Variants in UNC5C observed in about 807,000 individuals in gnomAD.
The protein encoded by UNC5C is netrin receptor UNC5C.
A neutral mutation model predicts 99.8 loss-of-function variants in UNC5C; 47 were observed. That is an observed-to-expected ratio of 0.47 (90% CI 0.37 to 0.60). UNC5C has a LOEUF of 0.60. UNC5C is among the 20% of genes least tolerant of loss of function. The probability of loss-of-function intolerance (pLI) is 0.00; values close to 1 mark genes in which losing one functional copy is unlikely to be tolerated. For synonymous variants in UNC5C, 487 were observed against 452.2 expected (o/e 1.08, Z -0.98); for missense variants, 1,062 against 1,165.9 (o/e 0.91, Z 1.30).
intron 1 of UNC5C, among the ~76,000 whole-genome samples, chr4:95,355,486 G>A (rs965344790): frequency 6.6e-6 from 1 of 152,040 alleles, no homozygotes; most frequent in Admixed American, 6.6e-5. Flanking sequence ...CCTCCAGCAA[G>A]TCATTCTGGG....
intron 1 of UNC5C, among the ~76,000 whole-genome samples, chr4:95,501,306 A>G (rs1721770404): frequency 6.6e-6 from 1 of 152,106 alleles, no homozygotes; most frequent in African/African-American, 2.4e-5. Flanking sequence ...GAATTCTGAA[A>G]ACTAGACTAT....
chr4:95,191,190 T>A (rs1449105198), intron 12 of UNC5C, among the ~76,000 whole-genome samples: 1 of 152,040 alleles, frequency 6.6e-6, no homozygotes, highest in Non-Finnish European at 1.5e-5. Flanking sequence ...AGCCCCCGAG[T>A]TTCCCACTCT....
intron 3 of UNC5C, 43 bp from the exon 4 acceptor site, chr4:95,278,405 C>A (rs752807166): frequency 2.0e-6 from 3 of 1,515,212 alleles, no homozygotes; most frequent in Non-Finnish European, 2.7e-6. Flanking sequence ...AATTAAACAA[C>A]ATTTTCTCAT....
At chr4:95,528,310 C>A (rs563535708) in intron 1 of UNC5C, among the ~76,000 whole-genome samples, 19 of 152,104 alleles carry the variant, frequency 1.2e-4, no homozygotes, top group Non-Finnish European at 2.5e-4. Context: ...GTTCTACAGG[C>A]TGCTTGTGCT....
At position 95,337,095 on chromosome 4, in the gene UNC5C, A is replaced by G. The variant is rs966683687; in HGVS notation, c.125-1464T>C. The stretch of plus-strand genomic sequence containing the variant: ...GGTCTTAACCAATTTTTTTTCTTCT[A>G]AAGCACTTACTGTTATATGTGATGA... On this transcript the variant is annotated intron_variant, in intron 1 of 15. Coordinates refer to ENST00000453304, the MANE Select transcript of UNC5C (RefSeq NM_003728.4). Among the ~76,000 whole-genome samples the G allele has an allele frequency of 3.9e-5, 6 of 151,998 alleles. No individual in the cohort carries two copies. In the South Asian group the frequency reaches 1.2e-3, roughly 32 times the overall value.
chr4:95,270,340 G>T (rs1260984709), intron 4 of UNC5C, among the ~76,000 whole-genome samples: 1 of 152,114 alleles, frequency 6.6e-6, no homozygotes, highest in African/African-American at 2.4e-5. Flanking sequence ...CTTTCAGTAG[G>T]TTTGTGCAAG....
intron 1 of UNC5C, among the ~76,000 whole-genome samples, chr4:95,337,931 A>G (rs1227053653): frequency 1.6e-4 from 24 of 152,040 alleles, no homozygotes; most frequent in Admixed American, 1.6e-3. Flanking sequence ...AAGATTTCCT[A>G]TAATATTCAC....
intron 1 of UNC5C, among the ~76,000 whole-genome samples, chr4:95,433,470 A>T (rs2149460990): frequency 6.6e-6 from 1 of 152,182 alleles, no homozygotes; most frequent in East Asian, 1.9e-4. Flanking sequence ...GCAAAGTTGA[A>T]GAAATTTTGC....
chr4:95,185,347 TCTAA>T lies in UNC5C; in HGVS notation c.2137-155_2137-152del, dbSNP rs1479836062. The T allele has an allele frequency of 8.9e-6, 8 of 894,132 alleles. No individual in the cohort carries two copies. In the East Asian group the frequency reaches 9.9e-5, roughly 11 times the overall value. 55.4% of individuals were successfully genotyped at this position (894,132 alleles called of 1,614,324 possible). On this transcript the variant is annotated intron_variant, in intron 12 of 15. Coordinates refer to ENST00000453304, the MANE Select transcript of UNC5C (RefSeq NM_003728.4). ...ACCCACTTTTGCAGCCTCGAGACCC[TCTAA>T]CTAAACTAACTAAAGCCCCTCCCAT... is the stretch of plus-strand genomic sequence containing the variant.
At chr4:95,441,042 C>T (rs1746936206) in intron 1 of UNC5C, among the ~76,000 whole-genome samples, 1 of 152,076 alleles carries the variant, frequency 6.6e-6, no homozygotes, top group Admixed American at 6.6e-5. Flanking sequence ...CGAAACTGGA[C>T]AGGTCATTGG....
In UNC5C at chr4:95,191,375, T is replaced by C. The variant is rs554056283; in HGVS notation, c.2137-6179A>G. Among the ~76,000 whole-genome samples, 543 of 152,238 alleles carry C rather than the reference T, an allele frequency of 3.6e-3. 2 individuals carry two copies. The highest frequency in any genetic ancestry group is 4.5e-3 in the Non-Finnish European group (309 of 68,014). ...CTTGGATGCTTTGAAGTATATCTATTAGAGTATGACAAGTCTGCCCCCAGG... is the reference window on the plus strand; with the variant it reads ...CTTGGATGCTTTGAAGTATATCTATCAGAGTATGACAAGTCTGCCCCCAGG... On this transcript the variant is annotated intron_variant, in intron 12 of 15. Transcript: ENST00000453304.
intron 2 of UNC5C, among the ~76,000 whole-genome samples, chr4:95,313,054 G>A (rs1742330369): frequency 1.3e-5 from 2 of 152,046 alleles, no homozygotes; most frequent in Admixed American, 1.3e-4. Context: ...ATGGCAAAGT[G>A]GAATATTTGA....
intron 1 of UNC5C, among the ~76,000 whole-genome samples, chr4:95,427,904 G>T (rs1746528764): frequency 6.6e-6 from 1 of 151,876 alleles, no homozygotes; most frequent in Non-Finnish European, 1.5e-5. Context: ...CTTATGTGTG[G>T]TTTGAAGAAC....
chr4:95,440,282 C>T (rs1746911024), intron 1 of UNC5C, among the ~76,000 whole-genome samples: 1 of 152,028 alleles, frequency 6.6e-6, no homozygotes. Context: ...TGTTTGTTTC[C>T]CTATGTGCTA....
intron 1 of UNC5C, among the ~76,000 whole-genome samples, chr4:95,517,148 A>T (rs1212671886): frequency 6.6e-6 from 1 of 152,228 alleles, no homozygotes; most frequent in Non-Finnish European, 1.5e-5. Flanking sequence ...CGAGATACAA[A>T]CAACGATTAA....
Position 95,536,082 on chromosome 4 carries a change from A to ATATATATATATATATTTTT in UNC5C, c.124+12651_124+12652insAAAAATATATATATATATA, listed in dbSNP as rs1180330785. On this transcript the variant is annotated intron_variant, in intron 1 of 15. Transcript: ENST00000453304. ...CATACATATATATATATATATATAT[A>ATATATATATATATATTTTT]TTTTTTTTTTTTGAGATGGAGTCTC... is the stretch of plus-strand genomic sequence containing the variant. Among the ~76,000 whole-genome samples the ATATATATATATATATTTTT allele has an allele frequency of 3.7e-4, 29 of 78,436 alleles. 1 individual carries two copies. In the East Asian group the frequency reaches 8.3e-3, roughly 22 times the overall value. The allele number at this position is 78,436 out of a possible 152,430, so 51.5% of individuals were successfully genotyped here. A position where few individuals can be genotyped will look rare whatever the true frequency, so the allele number is the denominator to read the frequency against.
chr4:95,194,575 G>A (rs916905713), intron 12 of UNC5C, among the ~76,000 whole-genome samples: 9 of 151,984 alleles, frequency 5.9e-5, no homozygotes, highest in Non-Finnish European at 1.0e-4. Flanking sequence ...GTCCCCTTCC[G>A]CTGTCTTCAA....
At chr4:95,365,524 A>G (rs1217919202) in intron 1 of UNC5C, among the ~76,000 whole-genome samples, 1 of 151,266 alleles carries the variant, frequency 6.6e-6, no homozygotes, top group Non-Finnish European at 1.5e-5. Flanking sequence ...CCATTTTGCT[A>G]TTACAATAAT....
intron 1 of UNC5C, among the ~76,000 whole-genome samples, chr4:95,398,432 CTCATTCAT>C (rs112476627): frequency 5.3e-4 from 81 of 151,410 alleles, no homozygotes; most frequent in African/African-American, 1.5e-3. Flanking sequence ...ACTTCATTCA[CTCATTCAT>C]TCATTCATTC....
Sources: gnomAD v4.1 joint callset for allele counts (sites outside exome capture counted in the v4.1 genomes callset) on GRCh38, gnomAD v4.1.1 for gene constraint, MANE v1.5 for transcripts, NCBI Gene and HGNC (gene_info 2026-07-23, HGNC 2026-07-21) for gene names.